The following CACNB2 variants were observed in gnomAD, a reference collection of about 807,000 sequenced individuals.
CACNB2 encodes the protein voltage-dependent L-type calcium channel subunit beta-2.
CACNB2 carries 42 observed loss-of-function variants against 73.3 expected under a neutral mutation model. The observed-to-expected ratio is 0.57, with a 90% CI of 0.45 to 0.74. The LOEUF (loss-of-function observed/expected upper bound fraction) is 0.74, where lower values mean the gene tolerates loss of function less well. Ranked by LOEUF, CACNB2 falls within the 30% of genes least tolerant of loss-of-function variation. CACNB2 has a pLI of 0.00. For missense variants in CACNB2, 940 were observed against 853.0 expected (o/e 1.10, Z -1.27); for synonymous variants, 348 against 310.3 (o/e 1.12, Z -1.28).
intron 2 of CACNB2, among the ~76,000 whole-genome samples, chr10:18,364,476 GT>G (rs2042269755): frequency 6.6e-6 from 1 of 150,998 alleles, no homozygotes; most frequent in Non-Finnish European, 1.5e-5. Context: ...AATTTTTGTG[GT>G]TTCAATAGAG....
At chr10:18,276,695 C>T (rs866929218) in intron 2 of CACNB2, among the ~76,000 whole-genome samples, 1 of 152,162 alleles carries the variant, frequency 6.6e-6, no homozygotes, top group Non-Finnish European at 1.5e-5. Context: ...TATCCTGCCG[C>T]AGCCTCCCAA....
chr10:18,174,459 A>G (rs1360371961), intron 2 of CACNB2, among the ~76,000 whole-genome samples: 1 of 148,736 alleles, frequency 6.7e-6, no homozygotes, highest in Non-Finnish European at 1.5e-5. Flanking sequence ...GCTGGAGTGC[A>G]ATGACACAAT....
intron 2 of CACNB2, among the ~76,000 whole-genome samples, chr10:18,301,019 T>G (rs1392274520): frequency 6.6e-6 from 1 of 152,128 alleles, no homozygotes; most frequent in Non-Finnish European, 1.5e-5. Flanking sequence ...TATTTTAACT[T>G]GCATGTTACC....
Position 18,421,013 on chromosome 10 carries a change from T to C in CACNB2, c.333+18970T>C, listed in dbSNP as rs528712389. 2.0e-5 allele frequency among the ~76,000 whole-genome samples: 3 copies of C among 152,292 alleles called. No homozygotes were observed. The South Asian group carries it at 6.2e-4, about 32-fold the overall frequency. ...ATTATACTTTTGATGAATGACTTGATAAAATACAAAAGAAGGAAATGTATT... is the reference window on the plus strand; with the variant it reads ...ATTATACTTTTGATGAATGACTTGACAAAATACAAAAGAAGGAAATGTATT... On this transcript the variant is annotated intron_variant, in intron 3 of 13. Coordinates refer to ENST00000324631, the MANE Select transcript of CACNB2 (RefSeq NM_201596.3).
chr10:18,165,307 C>T lies in CACNB2; in HGVS notation c.213+14332C>T, dbSNP rs182546810. The stretch of plus-strand genomic sequence containing the variant: ...GGAAAGCGATGAGTTCCATCTGCTG[C>T]GGCTGGTGGCTGGCTGAGTCCAGAT... On this transcript the variant is annotated intron_variant, in intron 2 of 13. Transcript: ENST00000324631. 7.1e-4 allele frequency among the ~76,000 whole-genome samples: 108 copies of T among 152,346 alleles called. 1 individual carries two copies. Among genetic ancestry groups the T allele is most frequent in the Admixed American group, 3.3e-3 (51 of 15,294 alleles).
intron 3 of CACNB2, among the ~76,000 whole-genome samples, chr10:18,466,421 C>T (rs1447468694): frequency 6.6e-6 from 1 of 151,882 alleles, no homozygotes; most frequent in Non-Finnish European, 1.5e-5. Context: ...TTTACAGAGA[C>T]GAGGTCTCAC....
chr10:18,245,806 G>A (rs1332841642), intron 2 of CACNB2, among the ~76,000 whole-genome samples: 1 of 152,136 alleles, frequency 6.6e-6, no homozygotes, highest in Admixed American at 6.5e-5. Context: ...CTGGGTAGGT[G>A]AAGGTATGGG....
At chr10:18,425,710 A>T (rs1033820348) in intron 3 of CACNB2, among the ~76,000 whole-genome samples, 1 of 152,192 alleles carries the variant, frequency 6.6e-6, no homozygotes, top group African/African-American at 2.4e-5. Flanking sequence ...ATTCTTTCCT[A>T]CCTTAGCCTC....
At chr10:18,484,556 G>A (rs1170510847) in intron 3 of CACNB2, among the ~76,000 whole-genome samples, 1 of 152,256 alleles carries the variant, frequency 6.6e-6, no homozygotes, top group East Asian at 1.9e-4. Flanking sequence ...AGCCAACCAA[G>A]GGAAGAAGAG....
chr10:18,422,254 T>G (rs1378235861), intron 3 of CACNB2, among the ~76,000 whole-genome samples: 2 of 152,238 alleles, frequency 1.3e-5, no homozygotes, highest in Non-Finnish European at 2.9e-5. Context: ...TCCATATTGA[T>G]TCCTGTTTAT....
intron 2 of CACNB2, among the ~76,000 whole-genome samples, chr10:18,331,907 G>A (rs538959326): frequency 6.6e-6 from 1 of 152,296 alleles, no homozygotes. Flanking sequence ...AGTTGATTAG[G>A]GGCGCAGGGT....
intron 2 of CACNB2, among the ~76,000 whole-genome samples, chr10:18,322,990 T>C (rs1293497400): frequency 1.1e-4 from 15 of 133,350 alleles, no homozygotes; most frequent in Non-Finnish European, 2.4e-4. Flanking sequence ...TGAGACAGGG[T>C]CTTGCTCTGT....
intron 2 of CACNB2, among the ~76,000 whole-genome samples, chr10:18,370,825 A>C (rs2042549648): frequency 6.6e-6 from 1 of 152,222 alleles, no homozygotes; most frequent in Non-Finnish European, 1.5e-5. Flanking sequence ...TTTTACACAT[A>C]CACGCAGGCA....
chr10:18,514,401 C>T (rs1431763256), intron 7 of CACNB2, 32 bp downstream of exon 7: 3 of 1,613,904 alleles, frequency 1.9e-6, no homozygotes, highest in Admixed American at 1.7e-5. Flanking sequence ...CCATTGTCCA[C>T]CTGCTCAACT....
chr10:18,220,934 T>C (rs1467841538), intron 2 of CACNB2, among the ~76,000 whole-genome samples: 1 of 152,178 alleles, frequency 6.6e-6, no homozygotes, highest in African/African-American at 2.4e-5. Context: ...TGGGGACCAC[T>C]AATGTAGAGG....
chr10:18,427,361 G>A (rs1295308161), intron 3 of CACNB2, among the ~76,000 whole-genome samples: 7 of 151,962 alleles, frequency 4.6e-5, no homozygotes, highest in Admixed American at 4.6e-4. Context: ...ACATGTCGCT[G>A]GATTTGACTC....
rs1356604464 is a variant in CACNB2 at position 18,307,983 on chromosome 10, C to CATTTTTTTTTTTTTTTTTTTT, written c.214-93941_214-93940insATTTTTTTTTTTTTTTTTTTT. ...TTAAGTCTAAAATAATATATGCCAA[C>CATTTTTTTTTTTTTTTTTTTT]TTTTTTTTTTTTTTTTTTTTTTTTT... On this transcript the variant is annotated intron_variant, in intron 2 of 13. Transcript: ENST00000324631. 1.3e-4 allele frequency among the ~76,000 whole-genome samples: 9 copies of CATTTTTTTTTTTTTTTTTTTT among 70,246 alleles called. 1 individual carries two copies. Among genetic ancestry groups the CATTTTTTTTTTTTTTTTTTTT allele is most frequent in the African/African-American group, 4.8e-4 (8 of 16,764 alleles). The allele number at this position is 70,246 out of a possible 152,430, so 46.1% of individuals were successfully genotyped here.
chr10:18,339,238 A>G (rs2041138110), intron 2 of CACNB2, among the ~76,000 whole-genome samples: 1 of 152,114 alleles, frequency 6.6e-6, no homozygotes, highest in Non-Finnish European at 1.5e-5. Flanking sequence ...TCCCACCAAC[A>G]GGCTGGGCAC....
At chr10:18,146,391 C>T (rs1180716585) in intron 1 of CACNB2, among the ~76,000 whole-genome samples, 1 of 149,184 alleles carries the variant, frequency 6.7e-6, no homozygotes, top group Admixed American at 6.7e-5. Context: ...CTCACTGTAA[C>T]CTCCACCTTC....
Sources: gnomAD v4.1 joint callset for allele counts (sites outside exome capture counted in the v4.1 genomes callset) on GRCh38, gnomAD v4.1.1 for gene constraint, MANE v1.5 for transcripts, NCBI Gene and HGNC (gene_info 2026-07-23, HGNC 2026-07-21) for gene names.